The following SMARCA2 variants were observed in gnomAD, a reference collection of about 807,000 sequenced individuals.
The protein encoded by SMARCA2 is SWI/SNF-related matrix-associated actin-dependent regulator of chromatin subfamily A member 2.
SMARCA2 carries 61 observed loss-of-function variants against 199.8 expected under a neutral mutation model. The ratio of observed to expected loss-of-function variants is 0.31; its 90% confidence interval spans 0.25 to 0.38. The LOEUF is 0.38. Among genes scored for constraint, SMARCA2 ranks in the 10% least tolerant of loss-of-function variants. The pLI is 1.00. For synonymous variants in SMARCA2, 935 were observed against 732.0 expected, an observed-to-expected ratio of 1.28 and a Z score of -4.48; for missense variants, 1,344 against 2,012.2, an observed-to-expected ratio of 0.67 and a Z score of 6.35.
chr9:2,114,376 C>G lies in SMARCA2; in HGVS notation c.3457-1446C>G, dbSNP rs184081643. 2.9e-3 allele frequency among the ~76,000 whole-genome samples: 449 copies of G among 152,322 alleles called. 3 individuals are homozygous for G. Among genetic ancestry groups the G allele is most frequent in the African/African-American group, 0.01 (434 of 41,590 alleles). ...ATTTTAAAGGTCCCTGCAGCAAAAACAAATCTCCAGGGCAGCCTTTTGTCT... is the reference window on the plus strand; with the variant it reads ...ATTTTAAAGGTCCCTGCAGCAAAAAGAAATCTCCAGGGCAGCCTTTTGTCT... On this transcript the variant is annotated intron_variant, in intron 24 of 33. Transcript: ENST00000349721.
At chr9:2,109,177 T>TA (rs1255226027) in intron 23 of SMARCA2, among the ~76,000 whole-genome samples, 20 of 152,342 alleles carry the variant, frequency 1.3e-4, no homozygotes, top group Middle Eastern at 3.4e-3. Context: ...TTTTCATCCT[T>TA]AAAAAATGAA....
chr9:2,117,966 G>T (rs748216723), intron 25 of SMARCA2, among the ~76,000 whole-genome samples: 1 of 152,244 alleles, frequency 6.6e-6, no homozygotes, highest in Non-Finnish European at 1.5e-5. Flanking sequence ...TGGTTGATGC[G>T]ACCATGAAGT....
chr9:2,102,042 T>G (rs1822539709), intron 22 of SMARCA2, among the ~76,000 whole-genome samples: 1 of 152,160 alleles, frequency 6.6e-6, no homozygotes, highest in South Asian at 2.1e-4. Flanking sequence ...TGTTAGAGTG[T>G]GGTCTGTGTA....
chr9:2,034,429 G>T (rs1467950734), intron 3 of SMARCA2, among the ~76,000 whole-genome samples: 1 of 152,048 alleles, frequency 6.6e-6, no homozygotes, highest in African/African-American at 2.4e-5. Flanking sequence ...CTTCACTGGT[G>T]AAAACTATTC....
chr9:2,175,030 G>C (rs1826479271), intron 29 of SMARCA2, among the ~76,000 whole-genome samples: 1 of 150,190 alleles, frequency 6.7e-6, no homozygotes, highest in Non-Finnish European at 1.5e-5. Flanking sequence ...CATTTTGAAA[G>C]ACAGGGACGC....
chr9:2,192,750 CCT>C lies in SMARCA2; in HGVS notation c.*12_*13del. On this transcript the variant is annotated 3_prime_UTR_variant, in exon 34 of 34. Transcript: ENST00000349721. Reference sequence around the variant, plus strand: ...ACGGATGATGAGTGATCAGTATGGACCTTTTTCCTTGGTAGAACTGAATTCCT... The same window carrying C: ...ACGGATGATGAGTGATCAGTATGGACTTTTCCTTGGTAGAACTGAATTCCT... The C allele has an allele frequency of 6.3e-7, 1 of 1,599,580 alleles. No individual in the cohort carries two copies. Among genetic ancestry groups the C allele is most frequent in the Non-Finnish European group, 8.6e-7 (1 of 1,166,892 alleles).
intron 1 of SMARCA2, among the ~76,000 whole-genome samples, chr9:2,020,769 C>T (rs1236726408): frequency 3.3e-5 from 5 of 152,092 alleles, no homozygotes. Flanking sequence ...ATAATTGTAC[C>T]TCAGAAAAAC....
At chr9:2,065,414 G>T (rs73638374) in intron 9 of SMARCA2, among the ~76,000 whole-genome samples, 2 of 152,016 alleles carry the variant, frequency 1.3e-5, no homozygotes, top group African/African-American at 4.8e-5. Flanking sequence ...TGGAGTGTTC[G>T]ATTTTCTTTC....
chr9:2,188,000 T>C (rs980498495), intron 32 of SMARCA2, among the ~76,000 whole-genome samples: 1 of 152,136 alleles, frequency 6.6e-6, no homozygotes, highest in Non-Finnish European at 1.5e-5. Context: ...ATTACATGTA[T>C]GTAGAGATAT....
rs894177041 is a variant in SMARCA2, at chr9:2,193,538, A to G, written c.*799A>G. The G allele has an allele frequency of 6.6e-6, 1 of 152,664 alleles. No homozygotes were observed. Among genetic ancestry groups the G allele is most frequent in the African/African-American group, 2.4e-5 (1 of 41,466 alleles). The allele number at this position is 152,664 out of a possible 1,614,324, so 9.5% of individuals were successfully genotyped here. A position where few individuals can be genotyped will look rare whatever the true frequency, so the allele number is the denominator to read the frequency against. On this transcript the variant is annotated 3_prime_UTR_variant, in exon 34 of 34. Transcript: ENST00000349721. Reference sequence around the variant, plus strand: ...TGCACAATGTCTTTGGTTGCAAGTCATAAGCCTGAGGCAAATAAAATTCCA... The same window carrying G: ...TGCACAATGTCTTTGGTTGCAAGTCGTAAGCCTGAGGCAAATAAAATTCCA...
intron 5 of SMARCA2, among the ~76,000 whole-genome samples, chr9:2,048,439 A>C (rs998274634): frequency 2.0e-5 from 3 of 152,234 alleles, no homozygotes; most frequent in African/African-American, 7.2e-5. Context: ...TGAAACATTC[A>C]ATAAATAATA....
chr9:2,153,467 G>A (rs1825185784), intron 27 of SMARCA2, among the ~76,000 whole-genome samples: 1 of 152,048 alleles, frequency 6.6e-6, no homozygotes, highest in African/African-American at 2.4e-5. Context: ...ACAAGGTTAA[G>A]GCTGTAGTGA....
intron 27 of SMARCA2, among the ~76,000 whole-genome samples, chr9:2,135,580 C>G (rs1357158140): frequency 6.6e-6 from 1 of 152,176 alleles, no homozygotes; most frequent in African/African-American, 2.4e-5. Context: ...TCACCTGAAG[C>G]AGCTATTATG....
intron 14 of SMARCA2, among the ~76,000 whole-genome samples, chr9:2,079,607 T>C (rs978054712): frequency 7.5e-5 from 11 of 147,650 alleles, no homozygotes; most frequent in African/African-American, 3.0e-4. Context: ...CCTTCCAAGA[T>C]CTTGGGGGGC....
chr9:2,162,897 T>G (rs1195281732), intron 28 of SMARCA2: 1 of 152,164 alleles, frequency 6.6e-6, no homozygotes, highest in Non-Finnish European at 1.5e-5. Flanking sequence ...GAATCAGATA[T>G]TAAGCATGTA....
chr9:2,062,362 G>C (rs1820632006), intron 9 of SMARCA2, among the ~76,000 whole-genome samples: 1 of 152,190 alleles, frequency 6.6e-6, no homozygotes, highest in African/African-American at 2.4e-5. Flanking sequence ...GGTTGTCACT[G>C]TTAGTGTTTT....
At chr9:2,058,790 G>T (rs183469927) in intron 8 of SMARCA2, among the ~76,000 whole-genome samples, 2 of 152,122 alleles carry the variant, frequency 1.3e-5, no homozygotes, top group African/African-American at 4.8e-5. Flanking sequence ...GATGGCAAAT[G>T]CAGTTCTTTT....
chr9:2,147,587 TGTAATCCTAGCAC>T (rs1333141854), intron 27 of SMARCA2, among the ~76,000 whole-genome samples: 1 of 152,202 alleles, frequency 6.6e-6, no homozygotes, highest in Non-Finnish European at 1.5e-5. Flanking sequence ...GGCTCACGCC[TGTAATCCTAGCAC>T]TTTGGGAGGC....
chr9:2,132,605 C>T lies in SMARCA2; in HGVS notation c.3981+8668C>T, dbSNP rs1007036129. On this transcript the variant is annotated intron_variant, in intron 27 of 33. Transcript: ENST00000349721. The stretch of plus-strand genomic sequence containing the variant: ...GACCCTTTTTTCTTTTATCAAATGG[C>T]ATTTTAACTTTTAAAATTGGGTCAT... Among the ~76,000 whole-genome samples, 5 of 152,194 alleles carry T rather than the reference C, an allele frequency of 3.3e-5. No homozygotes were observed. In the South Asian group the frequency reaches 8.3e-4, roughly 25 times the overall value.
Sources: gnomAD v4.1 joint callset for allele counts (sites outside exome capture counted in the v4.1 genomes callset) on GRCh38, gnomAD v4.1.1 for gene constraint, MANE v1.5 for transcripts, NCBI Gene and HGNC (gene_info 2026-07-23, HGNC 2026-07-21) for gene names.